MS4A6E: variants seen among roughly 807,000 people sequenced by gnomAD.
MS4A6E encodes membrane spanning 4-domains A6E, also known as membrane-spanning 4-domains subfamily A member 6E.
MS4A6E carries 8 observed loss-of-function variants against 13.2 expected under a neutral mutation model. That is an observed-to-expected ratio of 0.60 (90% confidence interval 0.35 to 1.09). The LOEUF (loss-of-function observed/expected upper bound fraction) is 1.09, where lower values mean the gene tolerates loss of function less well. Ranked by LOEUF, MS4A6E falls within the 50% of genes least tolerant of loss-of-function variation. The probability of loss-of-function intolerance (pLI) is 0.02; values close to 1 mark genes in which losing one functional copy is unlikely to be tolerated. For synonymous variants in MS4A6E, 72 were observed against 67.6 expected (o/e 1.06, Z -0.32); for missense variants, 177 against 171.1 (o/e 1.03, Z -0.19).
intron 1 of MS4A6E, among the ~76,000 whole-genome samples, chr11:60,333,083 T>A (rs1213171042): frequency 6.6e-6 from 1 of 152,248 alleles, no homozygotes; most frequent in African/African-American, 2.4e-5. Flanking sequence ...GTCACTTTTG[T>A]GAAATAGCTT....
intron 4 of MS4A6E, among the ~76,000 whole-genome samples, chr11:60,348,004 G>A (rs530674929): frequency 2.0e-5 from 3 of 152,192 alleles, no homozygotes; most frequent in East Asian, 3.9e-4. Context: ...ACAGCGATTC[G>A]GGTTAACTTC....
intron 3 of MS4A6E, chr11:60,338,827 A>G (rs1341316689): frequency 6.6e-6 from 1 of 152,246 alleles, no homozygotes; most frequent in Non-Finnish European, 1.5e-5. Flanking sequence ...TCATGCTTGT[A>G]CAGCACCCAT....
chr11:60,347,591 A>G (rs2085261912), intron 4 of MS4A6E, among the ~76,000 whole-genome samples: 1 of 151,958 alleles, frequency 6.6e-6, no homozygotes, highest in Admixed American at 6.6e-5. Context: ...GAAAAAAAAA[A>G]AAAAGGCCTA....
chr11:60,347,483 C>G (rs75190852), intron 4 of MS4A6E, among the ~76,000 whole-genome samples: 1 of 148,708 alleles, frequency 6.7e-6, no homozygotes, highest in Non-Finnish European at 1.5e-5. Context: ...CTTTTTTTTT[C>G]AAAGTCTCAG....
chr11:60,342,175 GTGTGAGAGAGAGAGAGAGAGAGAGA>G (rs1565157565), downstream of MS4A6E, among the ~76,000 whole-genome samples: 4 of 31,770 alleles, frequency 1.3e-4, no homozygotes, highest in African/African-American at 3.9e-4. Flanking sequence ...GTGTGTGTGT[GTGTGAGAGAGAGAGAGAGAGAGAGA>G]GGGGGGGGGA....
At chr11:60,346,812 ATGT>A (rs1166955012) in intron 4 of MS4A6E, among the ~76,000 whole-genome samples, 4 of 152,138 alleles carry the variant, frequency 2.6e-5, no homozygotes, top group Non-Finnish European at 4.4e-5. Flanking sequence ...TATAAAAAAC[ATGT>A]TGTTCATCTC....
intron 4 of MS4A6E, 74 bp downstream of exon 4, chr11:60,340,038 A>G: frequency 6.3e-7 from 1 of 1,589,576 alleles, no homozygotes; most frequent in Non-Finnish European, 8.6e-7. Flanking sequence ...GTATGTCACC[A>G]AGAGTGGTAG....
At chr11:60,336,803 G>A (rs1025749091) in intron 2 of MS4A6E, among the ~76,000 whole-genome samples, 2 of 152,118 alleles carry the variant, frequency 1.3e-5, no homozygotes, top group African/African-American at 4.8e-5. Context: ...CTACCTACCT[G>A]TAACAATAGC....
intron 1 of MS4A6E, among the ~76,000 whole-genome samples, chr11:60,329,181 C>T (rs7942397): frequency 0.25 from 35,004 of 142,704 alleles, 4,406 homozygotes; most frequent in Middle Eastern, 0.34. Context: ...GTGTGATGTT[C>T]CCCTCCCTGT....
rs746362809 is a variant in MS4A6E at position 60,334,995 on chromosome 11, CAGGATAGCCTGA to C, written c.103_114del (p.Asp35_Lys38del). 8.7e-6 allele frequency: 14 copies of C among 1,614,032 alleles called. No individual in the cohort carries two copies. The East Asian group carries it at 3.1e-4, about 36-fold the overall frequency. On this transcript the variant is annotated inframe_deletion, in exon 2 of 5. Transcript: ENST00000684409. ...GAAACCCGAACCCACCAACCAGGGG[CAGGATAGCCTGA>C]AGAAACGTCTACAGGCAAAAGTCAA...
chr11:60,327,803 G>T (rs1029576031), intron 1 of MS4A6E, among the ~76,000 whole-genome samples: 3 of 152,086 alleles, frequency 2.0e-5, no homozygotes, highest in Non-Finnish European at 1.5e-5. Flanking sequence ...GCCGAGGTGG[G>T]CAGATTACTG....
intron 1 of MS4A6E, among the ~76,000 whole-genome samples, chr11:60,329,582 T>C (rs995161726): frequency 6.6e-6 from 1 of 152,182 alleles, no homozygotes; most frequent in African/African-American, 2.4e-5. Flanking sequence ...TCTTCCACAA[T>C]GGTTGAATTA....
In MS4A6E at chr11:60,337,817, C is replaced by A. The variant is rs375301198; in HGVS notation, c.224C>A (p.Pro75Gln). ...LVGFILLSVN[P>Q]AALNPASLQC... ...GGTTTCATTCTCCTGTCTGTCAACC[C>A]GGCTGCATTAAATCCTGCCTCATTG... Residue 75 changes from proline (P) to glutamine (Q), a missense_variant, in exon 3 of 5, where the codon CCG becomes CAG. Coordinates refer to ENST00000684409, the MANE Select transcript of MS4A6E (RefSeq NM_139249.4). The A allele has an allele frequency of 1.9e-6, 3 of 1,614,160 alleles. No individual in the cohort carries two copies. Among genetic ancestry groups the A allele is most frequent in the East Asian group, 2.2e-5 (1 of 44,882 alleles).
At position 60,334,182 on chromosome 11, in the gene MS4A6E, C is replaced by T. The variant is rs183814440; in HGVS notation, c.-14-700C>T. On this transcript the variant is annotated intron_variant, in intron 1 of 4. Coordinates refer to ENST00000684409, the MANE Select transcript of MS4A6E (RefSeq NM_139249.4). ...GGCCTCTGAGAACAAAGGCAAGCAC[C>T]CTGTTTCAGCACTAGGGAGATTGTA... is the stretch of plus-strand genomic sequence containing the variant. Among the ~76,000 whole-genome samples, 51 of 152,252 alleles carry T rather than the reference C, an allele frequency of 3.3e-4. No homozygotes were observed. The Middle Eastern group carries it at 0.014, about 41-fold the overall frequency.
At chr11:60,329,477 G>T (rs2085140571) in intron 1 of MS4A6E, among the ~76,000 whole-genome samples, 1 of 152,180 alleles carries the variant, frequency 6.6e-6, no homozygotes, top group Non-Finnish European at 1.5e-5. Flanking sequence ...CTATATAGCA[G>T]AATGATTTAT....
rs1354333685 is a variant in MS4A6E at position 60,339,727 on chromosome 11, C to T, written c.355-139C>T. The T allele has an allele frequency of 2.0e-5, 14 of 706,234 alleles. 1 individual carries two copies. The South Asian group carries it at 2.2e-4, about 11-fold the overall frequency. 43.7% of individuals were successfully genotyped at this position (706,234 alleles called of 1,614,324 possible). On this transcript the variant is annotated intron_variant, in intron 3 of 4. Transcript: ENST00000684409. ...GAATTAAGACAATTGTGAGGAGGAG[C>T]AGTTTTGTTTTCCTGATTGTTTCCT...
downstream of MS4A6E, among the ~76,000 whole-genome samples, chr11:60,344,096 T>A (rs2085245520): frequency 6.6e-6 from 1 of 152,162 alleles, no homozygotes; most frequent in Non-Finnish European, 1.5e-5. Flanking sequence ...AACTCAGAGA[T>A]TTCTTAATTT....
chr11:60,338,557 G>A (rs1473732478), intron 3 of MS4A6E: 1 of 152,386 alleles, frequency 6.6e-6, no homozygotes, highest in African/African-American at 2.4e-5. Context: ...AATATAGGGA[G>A]ATGGAGAGTG....
chr11:60,331,891 G>T (rs1017910556), intron 1 of MS4A6E, among the ~76,000 whole-genome samples: 1 of 152,128 alleles, frequency 6.6e-6, no homozygotes, highest in African/African-American at 2.4e-5. Context: ...ACCATGAGAG[G>T]ACACAGCAAG....
Sources: gnomAD v4.1 joint callset for allele counts (sites outside exome capture counted in the v4.1 genomes callset) on GRCh38, gnomAD v4.1.1 for gene constraint, MANE v1.5 for transcripts, NCBI Gene and HGNC (gene_info 2026-07-23, HGNC 2026-07-21) for gene names.